The following EML2 variants were observed in gnomAD, a reference collection of about 807,000 sequenced individuals.
The protein encoded by EML2 is echinoderm microtubule-associated protein-like 2.
Under a neutral mutation model 84.7 loss-of-function variants are expected in EML2, and 59 were observed. The ratio of observed to expected loss-of-function variants is 0.70; its 90% CI spans 0.56 to 0.86. The LOEUF is 0.86. EML2 is among the 40% of genes least tolerant of loss of function. The pLI is 0.00. For synonymous variants in EML2, 352 were observed against 348.9 expected (o/e 1.01, Z -0.10); for missense variants, 818 against 855.6 (o/e 0.96, Z 0.55).
chr19:45,632,337 A>G (rs1395941335), intron 6 of EML2, among the ~76,000 whole-genome samples: 2 of 151,404 alleles, frequency 1.3e-5, no homozygotes, highest in Non-Finnish European at 2.9e-5. Context: ...CCACCACCTC[A>G]GACTAATTTT....
intron 13 of EML2, among the ~76,000 whole-genome samples, chr19:45,617,342 G>A (rs1971210596): frequency 6.6e-6 from 1 of 151,602 alleles, no homozygotes; most frequent in Admixed American, 6.6e-5. Context: ...AATCACTTGA[G>A]GTCAGGAGTT....
chr19:45,642,301 G>A (rs1432453326), upstream of EML2: 1 of 1,535,686 alleles, frequency 6.5e-7, no homozygotes. Context: ...CTGCTCCAGC[G>A]CCGACACGCG....
chr19:45,616,043 G>A (rs1412577349), intron 15 of EML2, 154 bp from the exon 16 acceptor site: 2 of 650,180 alleles, frequency 3.1e-6, no homozygotes, highest in Non-Finnish European at 2.8e-6. Flanking sequence ...TGGAGTATGG[G>A]GGCAGGGCCA....
chr19:45,625,639 T>G (rs1277350296), intron 8 of EML2, among the ~76,000 whole-genome samples: 1 of 152,184 alleles, frequency 6.6e-6, no homozygotes. Context: ...TCCCATTCCC[T>G]GCCTCACTCC....
rs764229325 is a variant in EML2 at position 45,629,987 on chromosome 19, C to T, written c.570G>A (p.Trp190Ter). The change falls in exon 7 of 19, where the codon TGG becomes TGA. Residue 190 changes from tryptophan to a stop codon, truncating the protein, a stop_gained. Coordinates refer to ENST00000245925, the MANE Select transcript of EML2 (RefSeq NM_012155.4). LOFTEE classifies it high-confidence loss of function. The part of the protein sequence containing the change: ...DESNDHMLSV[W>*]DWAKETKVVD... ...CCACCTTGGTCTCCTTGGCCCAGTC[C>T]CACACCGAGAGCATGTGATCATTGG... 1.7e-5 allele frequency: 28 copies of T among 1,613,442 alleles called. No homozygotes were observed. The South Asian group carries it at 2.5e-4, about 15-fold the overall frequency.
At chr19:45,617,091 C>G (rs550091129) in intron 13 of EML2, among the ~76,000 whole-genome samples, 2 of 150,520 alleles carry the variant, frequency 1.3e-5, no homozygotes, top group African/African-American at 4.9e-5. Context: ...ACTAAAAATA[C>G]AAAAATTAGC....
rs1287885783 is a variant in EML2 at position 45,639,184 on chromosome 19, C to A, written c.20+173G>T. On this transcript the variant is annotated intron_variant, in intron 1 of 18. Transcript: ENST00000245925. ...CAGCAAGGTGCTCCCCAGCGCCCCC[C>A]ACCCGCAGTTCCCCCAGCACACCAA... The A allele has an allele frequency of 4.0e-6, 3 of 758,672 alleles. No individual in the cohort carries two copies. In the South Asian group the frequency reaches 6.8e-5, roughly 17 times the overall value. 47.0% of individuals were successfully genotyped at this position (758,672 alleles called of 1,614,324 possible). A position where few individuals can be genotyped will look rare whatever the true frequency, so the allele number is the denominator to read the frequency against.
chr19:45,615,467 G>A (rs1271066632), intron 16 of EML2, among the ~76,000 whole-genome samples: 4 of 150,956 alleles, frequency 2.6e-5, no homozygotes, highest in East Asian at 1.9e-4. Flanking sequence ...GCAGTGAGCC[G>A]AGATCGCGCC....
chr19:45,641,638 T>C (rs1415067780), upstream of EML2: 4 of 1,536,106 alleles, frequency 2.6e-6, no homozygotes, highest in Non-Finnish European at 3.5e-6. Context: ...CCCCAGTCCT[T>C]ACCCTTCCTT....
At chr19:45,623,438 G>A (rs540830631) in intron 9 of EML2, 2 of 152,152 alleles carry the variant, frequency 1.3e-5, no homozygotes, top group South Asian at 2.1e-4. Flanking sequence ...GGAGGCAGGA[G>A]GATCACTTGA....
At chr19:45,644,348 T>G (rs1284265511), upstream of EML2, among the ~76,000 whole-genome samples, 1 of 152,134 alleles carries the variant, frequency 6.6e-6, no homozygotes, top group Non-Finnish European at 1.5e-5. Context: ...TCAACAGGAA[T>G]GGCCACCCTG....
chr19:45,645,275 T>A (rs1974945298), upstream of EML2: 5 of 1,533,632 alleles, frequency 3.3e-6, no homozygotes, highest in Non-Finnish European at 4.4e-6. Flanking sequence ...GGTCTCACCG[T>A]TGCAGTATCG....
chr19:45,622,631 A>G (rs1183519499), intron 9 of EML2, among the ~76,000 whole-genome samples: 2 of 152,024 alleles, frequency 1.3e-5, no homozygotes, highest in Non-Finnish European at 2.9e-5. Flanking sequence ...GGGTTTCACT[A>G]TGTTGGCCGG....
At chr19:45,637,780 G>T (rs541278211) in intron 3 of EML2, among the ~76,000 whole-genome samples, 1 of 145,950 alleles carries the variant, frequency 6.9e-6, no homozygotes, top group African/African-American at 2.6e-5. Context: ...GGGTTCAAGC[G>T]ATTCTCCTGT....
chr19:45,638,894 A>G (rs747627934), intron 1 of EML2, 21 bp from the exon 2 acceptor site: 1 of 1,613,550 alleles, frequency 6.2e-7, no homozygotes, highest in Admixed American at 1.7e-5. Flanking sequence ...AGGACAAAGA[A>G]AAAAAAAGGG....
rs574461419 is a variant in EML2 at position 45,618,302 on chromosome 19, C to T, written c.1255-605G>A. 1.1e-4 allele frequency among the ~76,000 whole-genome samples: 16 copies of T among 151,964 alleles called. No homozygotes were observed. The East Asian group carries it at 3.1e-3, about 29-fold the overall frequency. On this transcript the variant is annotated intron_variant, in intron 12 of 18. Coordinates refer to ENST00000245925, the MANE Select transcript of EML2 (RefSeq NM_012155.4). Reference sequence around the variant, plus strand: ...TGTTGCCCAGGCTGGTCTCAAACTCCTGGATTCACACAATCTACCTGCCTC... The same window carrying T: ...TGTTGCCCAGGCTGGTCTCAAACTCTTGGATTCACACAATCTACCTGCCTC...
chr19:45,642,361 C>T (rs945588652), upstream of EML2: 14 of 1,525,734 alleles, frequency 9.2e-6, 1 homozygote, highest in East Asian at 2.5e-5. Flanking sequence ...ATCTGGAAGA[C>T]GGGGGAGTGC....
upstream of EML2, among the ~76,000 whole-genome samples, chr19:45,643,239 C>T (rs1974746481): frequency 6.6e-6 from 1 of 152,200 alleles, no homozygotes; most frequent in Non-Finnish European, 1.5e-5. Flanking sequence ...CTCCTCTCCT[C>T]ACCCTGGGGT....
chr19:45,617,545 G>T, intron 13 of EML2, 85 bp downstream of exon 13: 1 of 1,260,852 alleles, frequency 7.9e-7, no homozygotes, highest in Non-Finnish European at 1.1e-6. Flanking sequence ...TAAATAGTGG[G>T]ATTTGGGAAA....
Sources: allele counts gnomAD v4.1 joint callset (sites outside exome capture counted in the v4.1 genomes callset), GRCh38; gene constraint gnomAD v4.1.1; transcripts MANE v1.5; gene names NCBI Gene and HGNC (gene_info 2026-07-23, HGNC 2026-07-21).